Variants in CLASP2 observed in about 807,000 individuals in gnomAD.
CLASP2 encodes the protein cytoplasmic linker associated protein 2.
A neutral mutation model predicts 194.4 loss-of-function variants in CLASP2; 47 were observed. The ratio of observed to expected loss-of-function variants is 0.24; its 90% CI spans 0.19 to 0.31. The LOEUF is 0.31. CLASP2 is among the 10% of genes least tolerant of loss of function. The pLI, the probability that CLASP2 is intolerant of heterozygous loss-of-function variation, is 1.00. For missense variants in CLASP2, 1,445 were observed against 1,823.6 expected (o/e 0.79, Z 3.78); for synonymous variants, 619 against 633.5 (o/e 0.98, Z 0.34).
chr3:33,671,331 T>TA (rs35451544), intron 6 of CLASP2, among the ~76,000 whole-genome samples: 11 of 151,676 alleles, frequency 7.3e-5, no homozygotes, highest in Admixed American at 2.0e-4. Flanking sequence ...GTCCAACTAT[T>TA]AAAAAAAAAT....
chr3:33,537,912 T>G (rs1165702459), intron 33 of CLASP2, among the ~76,000 whole-genome samples: 1 of 151,992 alleles, frequency 6.6e-6, no homozygotes, highest in African/African-American at 2.4e-5. Flanking sequence ...GAGGCCGAGG[T>G]GGGCAGATCA....
Position 33,496,627 on chromosome 3 carries a change from T to TA in CLASP2, c.*2003dup, listed in dbSNP as rs1447236917. ...CCAGGTGCTTATCTAATTTTCCAGT[T>TA]AGTTACTGTTCAGCTTAAGTCACTC... On this transcript the variant is annotated 3_prime_UTR_variant, in exon 39 of 39. Transcript: ENST00000682230. 1.3e-5 allele frequency: 2 copies of TA among 152,218 alleles called. No homozygotes were observed. Among genetic ancestry groups the TA allele is most frequent in the Admixed American group, 6.5e-5 (1 of 15,286 alleles). The allele number at this position is 152,218 out of a possible 1,614,324, so 9.4% of individuals were successfully genotyped here.
chr3:33,672,361 C>T (rs1442337321), intron 6 of CLASP2, among the ~76,000 whole-genome samples: 4 of 152,182 alleles, frequency 2.6e-5, no homozygotes, highest in African/African-American at 9.7e-5. Context: ...CTAGCAAATT[C>T]CAACAGACCT....
Position 33,657,864 on chromosome 3 carries a change from A to T in CLASP2, c.715+5581T>A, listed in dbSNP as rs143860768. ...TTGATATATTTGTATCCTATCTCTCATAGCCCCTAGGGGAATTACTTCTTA... is the reference window on the plus strand; with the variant it reads ...TTGATATATTTGTATCCTATCTCTCTTAGCCCCTAGGGGAATTACTTCTTA... On this transcript the variant is annotated intron_variant, in intron 7 of 38. Coordinates refer to ENST00000682230, the MANE Select transcript of CLASP2 (RefSeq NM_001365631.1). Among the ~76,000 whole-genome samples, 149 of 152,296 alleles carry T rather than the reference A, an allele frequency of 9.8e-4. 1 individual carries two copies. Among genetic ancestry groups the T allele is most frequent in the Admixed American group, 8.2e-3 (125 of 15,306 alleles).
intron 21 of CLASP2, chr3:33,588,732 C>A: frequency 1.4e-6 from 1 of 702,266 alleles, no homozygotes; most frequent in East Asian, 2.7e-5. Flanking sequence ...GATTGTGATC[C>A]TGAACAAGTG....
intron 7 of CLASP2, among the ~76,000 whole-genome samples, chr3:33,653,556 T>G (rs1404740621): frequency 1.6e-5 from 2 of 125,960 alleles, no homozygotes; most frequent in Non-Finnish European, 3.2e-5. Flanking sequence ...TATAAAACAA[T>G]TGAGAAAATG....
intron 1 of CLASP2, among the ~76,000 whole-genome samples, chr3:33,705,194 A>G (rs1422928546): frequency 1.3e-5 from 2 of 152,258 alleles, no homozygotes; most frequent in African/African-American, 4.8e-5. Context: ...GTATATGCAT[A>G]CAACAGAATT....
intron 29 of CLASP2, among the ~76,000 whole-genome samples, chr3:33,556,360 A>T (rs980378364): frequency 6.6e-5 from 10 of 152,118 alleles, no homozygotes; most frequent in African/African-American, 2.4e-4. Context: ...TATTTTTGGC[A>T]TAAAGTATGG....
intron 30 of CLASP2, among the ~76,000 whole-genome samples, chr3:33,548,380 C>T (rs1011407181): frequency 3.9e-5 from 6 of 151,942 alleles, no homozygotes; most frequent in East Asian, 1.9e-4. Context: ...TCACTACAAC[C>T]TCTGCCTCCC....
At chr3:33,639,823 A>C (rs1440507579) in intron 8 of CLASP2, among the ~76,000 whole-genome samples, 1 of 152,198 alleles carries the variant, frequency 6.6e-6, no homozygotes, top group Non-Finnish European at 1.5e-5. Flanking sequence ...ATATGGGATT[A>C]AAAATAATAA....
At chr3:33,559,687 G>C (rs1402108397) in intron 28 of CLASP2, among the ~76,000 whole-genome samples, 1 of 152,192 alleles carries the variant, frequency 6.6e-6, no homozygotes, top group Non-Finnish European at 1.5e-5. Flanking sequence ...CCGAGGTCAG[G>C]AGTTCGAGAC....
intron 1 of CLASP2, among the ~76,000 whole-genome samples, chr3:33,697,599 T>C (rs1227537593): frequency 1.3e-5 from 2 of 152,218 alleles, no homozygotes; most frequent in African/African-American, 4.8e-5. Flanking sequence ...ATAACTATAT[T>C]TGTAACTTTG....
At chr3:33,616,108 T>C (rs1342101161) in intron 12 of CLASP2, among the ~76,000 whole-genome samples, 1 of 151,432 alleles carries the variant, frequency 6.6e-6, no homozygotes, top group East Asian at 1.9e-4. Flanking sequence ...AACTATAAAC[T>C]GAATTATAAA....
chr3:33,581,279 G>C (rs1470409020), intron 23 of CLASP2, among the ~76,000 whole-genome samples: 1 of 152,124 alleles, frequency 6.6e-6, no homozygotes, highest in Non-Finnish European at 1.5e-5. Flanking sequence ...GGACAAACAA[G>C]TTTTACCGCA....
At chr3:33,652,895 T>C (rs956790868) in intron 7 of CLASP2, among the ~76,000 whole-genome samples, 4 of 152,334 alleles carry the variant, frequency 2.6e-5, no homozygotes, top group Middle Eastern at 6.8e-3. Context: ...ACAGTTCTTG[T>C]GCTTAAATCC....
At chr3:33,658,878 C>T (rs745702723) in intron 7 of CLASP2, 115 of 1,158,146 alleles carry the variant, frequency 9.9e-5, no homozygotes, top group Admixed American at 1.9e-4. Flanking sequence ...GTCCTTCATT[C>T]TTTAGGGAGA....
intron 21 of CLASP2, among the ~76,000 whole-genome samples, chr3:33,587,778 C>A (rs2067747275): frequency 6.6e-6 from 1 of 152,198 alleles, no homozygotes; most frequent in South Asian, 2.1e-4. Context: ...TGAACATACA[C>A]ACCAAAAACA....
chr3:33,531,346 C>T (rs1470613491), intron 34 of CLASP2, among the ~76,000 whole-genome samples: 1 of 152,030 alleles, frequency 6.6e-6, no homozygotes, highest in African/African-American at 2.4e-5. Flanking sequence ...CCTGCAACAA[C>T]AACAAAAATA....
At chr3:33,607,892 T>C (rs968489015) in intron 14 of CLASP2, among the ~76,000 whole-genome samples, 3 of 152,174 alleles carry the variant, frequency 2.0e-5, no homozygotes, top group Non-Finnish European at 4.4e-5. Flanking sequence ...CAAAGAAAAC[T>C]TGAAATTATA....
Sources: gnomAD v4.1 joint callset for allele counts (sites outside exome capture counted in the v4.1 genomes callset) on GRCh38, gnomAD v4.1.1 for gene constraint, MANE v1.5 for transcripts, NCBI Gene and HGNC (gene_info 2026-07-23, HGNC 2026-07-21) for gene names.